Variants in CIRSR observed in about 807,000 individuals in gnomAD.
The protein encoded by CIRSR is corepressor of RBPJ and splicing regulator, also known as CBF1 (RBPJ) interacting corepressor 1.
At chr2:174,377,620 C>A in the CIRSR span, among the ~76,000 whole-genome samples, 9 of 151,846 alleles carry the variant, frequency 5.9e-5, no homozygotes, top group Non-Finnish European at 1.2e-4. Context: ...GAGTTCAAGA[C>A]CAGCCTAGGC....
At chr2:174,394,411 T>A in the CIRSR span, among the ~76,000 whole-genome samples, 1 of 152,286 alleles carries the variant, frequency 6.6e-6, no homozygotes, top group African/African-American at 2.4e-5. Context: ...CCTCCCACAG[T>A]TGCAACCACA....
the CIRSR span, among the ~76,000 whole-genome samples, chr2:174,385,215 C>CA: frequency 0.011 from 986 of 93,398 alleles, 4 homozygotes; most frequent in Non-Finnish European, 0.012. Flanking sequence ...ACCTTCCTCT[C>CA]AAAAAAAAAA....
At chr2:174,357,367 A>G in the CIRSR span, among the ~76,000 whole-genome samples, 1 of 152,206 alleles carries the variant, frequency 6.6e-6, no homozygotes, top group Non-Finnish European at 1.5e-5. Flanking sequence ...ATTTAGGAAA[A>G]TGACACCTGA....
At chr2:174,353,324 A>C in the CIRSR span, among the ~76,000 whole-genome samples, 3 of 152,214 alleles carry the variant, frequency 2.0e-5, no homozygotes, top group Non-Finnish European at 4.4e-5. Context: ...CAAAATGTTT[A>C]ATTCCTATGT....
the CIRSR span, among the ~76,000 whole-genome samples, chr2:174,383,115 C>A: frequency 6.6e-6 from 1 of 152,248 alleles, no homozygotes; most frequent in African/African-American, 2.4e-5. Flanking sequence ...ACTTCAAAAG[C>A]ATTATGCTAT....
chr2:174,351,470 G>T, the CIRSR span: 1 of 521,604 alleles, frequency 1.9e-6, no homozygotes, highest in Non-Finnish European at 3.3e-6. Flanking sequence ...AAATAATAAA[G>T]CAAAATCAAA....
chr2:174,381,745 C>A, the CIRSR span: 1 of 1,597,140 alleles, frequency 6.3e-7, no homozygotes, highest in Non-Finnish European at 8.5e-7. Flanking sequence ...GAAATTAAGG[C>A]CATTCTTTAC....
chr2:174,365,535 AAAAG>A, the CIRSR span, among the ~76,000 whole-genome samples: 2 of 152,212 alleles, frequency 1.3e-5, no homozygotes, highest in Admixed American at 6.5e-5. Context: ...TACAATTTAC[AAAAG>A]AAAGAGGTTT....
chr2:174,348,950 T>C, the CIRSR span: 6 of 1,604,576 alleles, frequency 3.7e-6, no homozygotes, highest in Middle Eastern at 1.7e-4. Context: ...TGTTATGCCC[T>C]GAACACTTGT....
At chr2:174,373,511 T>A in the CIRSR span, among the ~76,000 whole-genome samples, 1 of 152,206 alleles carries the variant, frequency 6.6e-6, no homozygotes, top group Non-Finnish European at 1.5e-5. Context: ...TTCTTTTTAA[T>A]CACACATTTT....
chr2:174,373,381 C>T, the CIRSR span, among the ~76,000 whole-genome samples: 1 of 152,096 alleles, frequency 6.6e-6, no homozygotes, highest in Non-Finnish European at 1.5e-5. Context: ...AGTAACTCTG[C>T]TTTTTTTAGC....
chr2:174,377,843 A>AC, the CIRSR span, among the ~76,000 whole-genome samples: 5 of 151,594 alleles, frequency 3.3e-5, no homozygotes, highest in South Asian at 1.0e-3. Flanking sequence ...AAAAAAAAAA[A>AC]AAAACCAAAC....
chr2:174,378,646 C>G, the CIRSR span: 1 of 389,226 alleles, frequency 2.6e-6, no homozygotes, highest in Non-Finnish European at 4.7e-6. Context: ...GGCTACTAGC[C>G]TGATAAACTA....
the CIRSR span, chr2:174,351,799 C>A: frequency 9.3e-7 from 1 of 1,078,822 alleles, no homozygotes. Context: ...AGTAGGAATG[C>A]AGTTGAAGCT....
the CIRSR span, chr2:174,369,905 T>C: frequency 1.5e-6 from 2 of 1,307,622 alleles, no homozygotes; most frequent in Non-Finnish European, 2.0e-6. Context: ...TTGCAATAAT[T>C]ACCAAAAATG....
the CIRSR span, among the ~76,000 whole-genome samples, chr2:174,354,464 AAAAT>A: frequency 2.1e-5 from 2 of 97,102 alleles, no homozygotes; most frequent in Admixed American, 1.7e-4. Context: ...TATAATATAT[AAAAT>A]ATATATAATA....
At chr2:174,351,504 CTCTA>C in the CIRSR span, 20 of 726,538 alleles carry the variant, frequency 2.8e-5, no homozygotes, top group Middle Eastern at 2.8e-4. Flanking sequence ...ATTTTCTTTG[CTCTA>C]TCTTACTTTC....
the CIRSR span, among the ~76,000 whole-genome samples, chr2:174,381,357 A>T: frequency 6.6e-6 from 1 of 152,140 alleles, no homozygotes; most frequent in East Asian, 1.9e-4. Flanking sequence ...TCAAAGACTT[A>T]AAAGAAAAGG....
At chr2:174,389,786 G>A in the CIRSR span, among the ~76,000 whole-genome samples, 1 of 152,118 alleles carries the variant, frequency 6.6e-6, no homozygotes, top group African/African-American at 2.4e-5. Flanking sequence ...ACAACCTTTG[G>A]TCTTCGTGCC....
Sources: gnomAD v4.1 joint callset for allele counts (sites outside exome capture counted in the v4.1 genomes callset) on GRCh38, gnomAD v4.1.1 for gene constraint, MANE v1.5 for transcripts, NCBI Gene and HGNC (gene_info 2026-07-23, HGNC 2026-07-21) for gene names.